The following PIEZO2 variants were observed in gnomAD, a reference collection of about 807,000 sequenced individuals.
The protein encoded by PIEZO2 is piezo type mechanosensitive ion channel component 2, also known as piezo-type mechanosensitive ion channel component 2.
A neutral mutation model predicts 337.3 loss-of-function variants in PIEZO2; 172 were observed. The ratio of observed to expected loss-of-function variants is 0.51; its 90% CI spans 0.45 to 0.58. PIEZO2 has a LOEUF of 0.58. PIEZO2 is among the 20% of genes least tolerant of loss of function. PIEZO2 has a pLI of 0.00. For missense variants in PIEZO2, 3,028 were observed against 3,391.3 expected, an observed-to-expected ratio of 0.89 and a Z score of 2.66; for synonymous variants, 1,251 against 1,228.5, an observed-to-expected ratio of 1.02 and a Z score of -0.38.
chr18:11,108,613 CAAAAAAAAAA>C (rs532226919), intron 1 of PIEZO2, among the ~76,000 whole-genome samples: 2 of 56,858 alleles, frequency 3.5e-5, no homozygotes, highest in South Asian at 1.0e-3. Flanking sequence ...GACTCCCTCT[CAAAAAAAAAA>C]AAAAAAAAAA....
chr18:10,960,579 G>A (rs2033727908), intron 3 of PIEZO2, among the ~76,000 whole-genome samples: 1 of 150,944 alleles, frequency 6.6e-6, no homozygotes, highest in African/African-American at 2.4e-5. Context: ...TTCCTGAATG[G>A]GTGGGCACCT....
chr18:10,871,477 T>G, intron 4 of PIEZO2, 62 bp from the exon 5 acceptor site: 1 of 1,405,956 alleles, frequency 7.1e-7, no homozygotes, highest in Non-Finnish European at 9.5e-7. Context: ...ACGGTTAAAC[T>G]GCCTTATAGG....
intron 2 of PIEZO2, among the ~76,000 whole-genome samples, chr18:10,995,082 A>AAAAAAAAAAGATAG (rs534311613): frequency 7.8e-6 from 1 of 128,124 alleles, no homozygotes; most frequent in African/African-American, 3.1e-5. Flanking sequence ...CGTCTCAAAA[A>AAAAAAAAAAGATAG]AAAAAAAAAA....
chr18:10,774,000 A>T lies in PIEZO2; in HGVS notation c.2567+6T>A. On this transcript the variant is annotated splice_donor_region_variant and intron_variant, in intron 19 of 55. Coordinates refer to ENST00000674853, the MANE Select transcript of PIEZO2 (RefSeq NM_001378183.1). The surrounding 1 kb of genome is among the most constrained non-coding windows in gnomAD (Gnocchi z 5.3). ...AAGCATTTCATGGCTTCACAGGGGG[A>T]CTTACTCATTTTGGTGGATTGGTAA... is the stretch of plus-strand genomic sequence containing the variant. 1 of 702,978 alleles carries T rather than the reference A, an allele frequency of 1.4e-6. No homozygotes were observed. Among genetic ancestry groups the T allele is most frequent in the Non-Finnish European group, 2.6e-6 (1 of 385,004 alleles). 43.5% of individuals were successfully genotyped at this position (702,978 alleles called of 1,614,324 possible).
chr18:10,787,096 G>T lies in PIEZO2; in HGVS notation c.2258C>A (p.Thr753Lys). ...GCCTGGGAAGTTCTCAAACTGATAT[G>T]TGTATATAAAGATAAGCACCAGCAT... ...YTMLVLIFIY[T>K]YQFENFPGLW... Residue 753 changes from threonine (T) to lysine (K), a missense_variant, in exon 16 of 56, where the codon ACA becomes AAA. This residue lies in a region of PIEZO2 where 1,925 missense variants were observed against 2,051.9 expected (regional missense o/e 0.94). Transcript: ENST00000674853. The T allele has an allele frequency of 6.5e-7, 1 of 1,535,050 alleles. No individual in the cohort carries two copies. The highest frequency in any genetic ancestry group is 1.2e-5 in the South Asian group (1 of 83,830).
chr18:11,147,199 G>T (rs2040831685), intron 1 of PIEZO2, among the ~76,000 whole-genome samples: 1 of 152,134 alleles, frequency 6.6e-6, no homozygotes, highest in African/African-American at 2.4e-5. Context: ...TCATCTATGC[G>T]AGTGAGACTA....
At chr18:10,742,798 T>TTGTGTG (rs71169946) in intron 31 of PIEZO2, among the ~76,000 whole-genome samples, 183 bp from the exon 32 acceptor site, 33 of 115,624 alleles carry the variant, frequency 2.9e-4, no homozygotes, top group African/African-American at 4.1e-4. Context: ...ATATACATAT[T>TTGTGTG]TGTGTGTGTG....
chr18:11,020,021 C>T (rs1187032747), intron 2 of PIEZO2, among the ~76,000 whole-genome samples: 1 of 152,108 alleles, frequency 6.6e-6, no homozygotes, highest in East Asian at 1.9e-4. Context: ...ATCTATTCTT[C>T]TGACCCAATA....
chr18:10,990,930 C>G (rs905824122), intron 2 of PIEZO2, among the ~76,000 whole-genome samples: 1 of 151,310 alleles, frequency 6.6e-6, no homozygotes, highest in Non-Finnish European at 1.5e-5. Context: ...TATTTGCAAG[C>G]CTGTTCATGA....
chr18:10,711,137 AT>A lies in PIEZO2; in HGVS notation c.5424-2699del, dbSNP rs1308491557. ...TTTTTTATCATGAGTGTGGTTTCCT[AT>A]TTGCAATCTTAGGTCAGATTTAAAG... On this transcript the variant is annotated intron_variant, in intron 39 of 55. Coordinates refer to ENST00000674853, the MANE Select transcript of PIEZO2 (RefSeq NM_001378183.1). Among the ~76,000 whole-genome samples, 5 of 152,126 alleles carry A rather than the reference AT, an allele frequency of 3.3e-5. No homozygotes were observed. In the East Asian group the frequency reaches 9.6e-4, roughly 29 times the overall value.
rs2038688638 is a variant in PIEZO2 at position 10,773,763 on chromosome 18, G to GT, written c.2568-135dup. ...AGACCTCACAAGGTGGGGTGTTAGC[G>GT]TTTTGTCACTTTCTTTTTGGTTGGT... On this transcript the variant is annotated intron_variant, in intron 19 of 55. Transcript: ENST00000674853. This position sits in a 1 kb window ranked among gnomAD's most constrained non-coding sequence, Gnocchi z 5.3. 1.2e-6 allele frequency: 1 copy of GT among 824,410 alleles called. No individual in the cohort carries two copies. The highest frequency in any genetic ancestry group is 1.9e-6 in the Non-Finnish European group (1 of 536,272). The allele number at this position is 824,410 out of a possible 1,614,324, so 51.1% of individuals were successfully genotyped here.
At chr18:11,046,576 C>T (rs2037325024) in intron 2 of PIEZO2, among the ~76,000 whole-genome samples, 1 of 152,256 alleles carries the variant, frequency 6.6e-6, no homozygotes, top group Admixed American at 6.5e-5. Flanking sequence ...AGCTACCTGG[C>T]AGGTGCTCCT....
intron 7 of PIEZO2, among the ~76,000 whole-genome samples, chr18:10,814,159 C>T (rs979263355): frequency 4.0e-5 from 6 of 151,830 alleles, no homozygotes; most frequent in Admixed American, 3.9e-4. Context: ...TTAGTAGAGA[C>T]AGGGTTTCAC....
chr18:10,725,303 G>A, intron 36 of PIEZO2: 1 of 1,584,726 alleles, frequency 6.3e-7, no homozygotes, highest in Middle Eastern at 1.7e-4. Flanking sequence ...GGTAAATACA[G>A]CAGAAGGAGG....
chr18:10,742,314 A>ATTTGATAAATAAT (rs2037256934), intron 32 of PIEZO2, among the ~76,000 whole-genome samples, 180 bp downstream of exon 32: 1 of 152,266 alleles, frequency 6.6e-6, no homozygotes, highest in Admixed American at 6.5e-5. Context: ...TTTATCAAAT[A>ATTTGATAAATAAT]CATACTTTAT....
At position 10,731,177 on chromosome 18, in the gene PIEZO2, T is replaced by TATATATA. The variant is rs1555633703; in HGVS notation, c.5029+229_5029+230insTATATAT. On this transcript the variant is annotated intron_variant, in intron 36 of 55. Coordinates refer to ENST00000674853, the MANE Select transcript of PIEZO2 (RefSeq NM_001378183.1). ...CTCTCCTTTTTTCCTACTTAAAAGA[T>TATATATA]TATATATATATATATATATATATAT... Among the ~76,000 whole-genome samples, 147 of 35,202 alleles carry TATATATA rather than the reference T, an allele frequency of 4.2e-3. 9 individuals are homozygous for TATATATA. Among genetic ancestry groups the TATATATA allele is most frequent in the African/African-American group, 6.1e-3 (47 of 7,756 alleles). 23.1% of individuals were successfully genotyped at this position (35,202 alleles called of 152,430 possible).
intron 7 of PIEZO2, among the ~76,000 whole-genome samples, chr18:10,810,880 A>G (rs563557995): frequency 2.0e-5 from 3 of 152,290 alleles, no homozygotes; most frequent in Non-Finnish European, 4.4e-5. Context: ...ATCCCATAAT[A>G]TGTGCATGTC....
intron 1 of PIEZO2, among the ~76,000 whole-genome samples, chr18:11,076,047 A>C (rs1030171568): frequency 1.3e-5 from 2 of 152,072 alleles, no homozygotes; most frequent in African/African-American, 4.8e-5. Flanking sequence ...CGGCCTCCCA[A>C]AGTGCTGGGA....
chr18:10,701,945 G>A (rs1376477618), intron 43 of PIEZO2, 44 bp downstream of exon 43: 1 of 1,443,544 alleles, frequency 6.9e-7, no homozygotes, highest in Admixed American at 2.8e-5. Context: ...AGGTTATCTA[G>A]GAAGATGACC....
Sources: gnomAD v4.1 joint callset for allele counts (sites outside exome capture counted in the v4.1 genomes callset) on GRCh38, gnomAD v4.1.1 for gene constraint, gnomAD v4.1.1 regional missense constraint, Gnocchi (gnomAD v3.1) non-coding constraint, MANE v1.5 for transcripts, NCBI Gene and HGNC (gene_info 2026-07-23, HGNC 2026-07-21) for gene names.